The following PCCA variants were observed in gnomAD, a reference collection of about 807,000 sequenced individuals.
The protein encoded by PCCA is propionyl-CoA carboxylase subunit alpha.
PCCA carries 74 observed loss-of-function variants against 101.3 expected under a neutral mutation model. The ratio of observed to expected loss-of-function variants is 0.73; its 90% CI spans 0.61 to 0.89. The LOEUF is 0.89. Among genes scored for constraint, PCCA ranks in the 40% least tolerant of loss-of-function variants. PCCA has a pLI of 0.00. For synonymous variants in PCCA, 294 were observed against 313.6 expected, an observed-to-expected ratio of 0.94 and a Z score of 0.66; for missense variants, 891 against 907.0, an observed-to-expected ratio of 0.98 and a Z score of 0.23.
intron 6 of PCCA, among the ~76,000 whole-genome samples, chr13:100,185,488 C>A (rs1446679921): frequency 6.6e-6 from 1 of 151,304 alleles, no homozygotes; most frequent in Non-Finnish European, 1.5e-5. Flanking sequence ...TAGCTGGGAC[C>A]ACAGGCACAA....
intron 19 of PCCA, among the ~76,000 whole-genome samples, chr13:100,393,332 CT>C (rs1375759533): frequency 1.3e-5 from 2 of 151,352 alleles, no homozygotes; most frequent in African/African-American, 4.9e-5. Flanking sequence ...CAAAAAATGG[CT>C]GTTAAATGGA....
intron 21 of PCCA, among the ~76,000 whole-genome samples, chr13:100,509,440 G>A (rs2086315700): frequency 6.6e-6 from 1 of 152,170 alleles, no homozygotes; most frequent in African/African-American, 2.4e-5. Context: ...CGGACGGTTT[G>A]ACTTGTGGGA....
In PCCA at chr13:100,210,716, G is replaced by C. The variant is rs146900562; in HGVS notation, c.600+1253G>C. Among the ~76,000 whole-genome samples, 483 of 152,264 alleles carry C rather than the reference G, an allele frequency of 3.2e-3. 3 individuals carry two copies. The highest frequency in any genetic ancestry group is 0.011 in the African/African-American group (471 of 41,564). On this transcript the variant is annotated intron_variant, in intron 7 of 23. Transcript: ENST00000376285. Reference sequence around the variant, plus strand: ...ATGTAGAGTTTTAACCTTGCGATTTGACTTAGCCTGCAGGAACTCTTCATT... The same window carrying C: ...ATGTAGAGTTTTAACCTTGCGATTTCACTTAGCCTGCAGGAACTCTTCATT...
intron 21 of PCCA, among the ~76,000 whole-genome samples, chr13:100,459,019 G>A (rs1464067441): frequency 1.3e-5 from 2 of 152,148 alleles, no homozygotes; most frequent in African/African-American, 4.8e-5. Context: ...GGCTCTTAGG[G>A]AGGGTCTGTT....
At chr13:100,302,483 T>G (rs949236092) in intron 13 of PCCA, among the ~76,000 whole-genome samples, 3 of 149,712 alleles carry the variant, frequency 2.0e-5, no homozygotes, top group Admixed American at 6.7e-5. Context: ...GCGTGCAAAG[T>G]TTTTTTTTTC....
At chr13:100,140,304 A>G (rs1180249657) in intron 4 of PCCA, among the ~76,000 whole-genome samples, 1 of 152,194 alleles carries the variant, frequency 6.6e-6, no homozygotes, top group Non-Finnish European at 1.5e-5. Flanking sequence ...AGTTTCACTG[A>G]TTGAAGAAGA....
intron 10 of PCCA, among the ~76,000 whole-genome samples, chr13:100,263,836 G>C (rs1307522466): frequency 8.6e-6 from 1 of 116,800 alleles, no homozygotes; most frequent in Non-Finnish European, 1.9e-5. Context: ...TATGGTATCT[G>C]TATATCGTAT....
chr13:100,200,035 A>G (rs2058374269), intron 6 of PCCA, among the ~76,000 whole-genome samples: 1 of 151,886 alleles, frequency 6.6e-6, no homozygotes, highest in Non-Finnish European at 1.5e-5. Flanking sequence ...TAGCTTCCTT[A>G]CTATCTGATC....
intron 7 of PCCA, among the ~76,000 whole-genome samples, chr13:100,214,744 G>C (rs1384091521): frequency 1.3e-5 from 2 of 151,926 alleles, no homozygotes; most frequent in Non-Finnish European, 2.9e-5. Flanking sequence ...TCATTGTAGA[G>C]ACCTTTCACT....
chr13:100,152,307 G>C (rs1594395602), intron 4 of PCCA, among the ~76,000 whole-genome samples: 2 of 149,680 alleles, frequency 1.3e-5, no homozygotes, highest in African/African-American at 4.9e-5. Flanking sequence ...GTCCATAGCA[G>C]TTTTGACCTG....
Position 100,231,192 on chromosome 13 carries a change from G to C in PCCA, c.601-4650G>C, listed in dbSNP as rs187258942. ...TGCTGTGTGGCTGTATTTAAGGTTTGTCTTTTCCACCAGCCTGTAAATTAC... is the reference window on the plus strand; with the variant it reads ...TGCTGTGTGGCTGTATTTAAGGTTTCTCTTTTCCACCAGCCTGTAAATTAC... On this transcript the variant is annotated intron_variant, in intron 7 of 23. Transcript: ENST00000376285. 2.5e-3 allele frequency among the ~76,000 whole-genome samples: 374 copies of C among 152,286 alleles called. 2 individuals carry two copies. The highest frequency in any genetic ancestry group is 8.7e-3 in the African/African-American group (363 of 41,554).
At chr13:100,156,589 G>A (rs74661560) in intron 5 of PCCA, among the ~76,000 whole-genome samples, 2,637 of 152,268 alleles carry the variant, frequency 0.017, 83 homozygotes, top group African/African-American at 0.06. Context: ...GCTTGTGGGT[G>A]AGGATAGTAT....
chr13:100,196,487 T>C (rs1286293874), intron 6 of PCCA, among the ~76,000 whole-genome samples: 6 of 152,192 alleles, frequency 3.9e-5, no homozygotes, highest in Non-Finnish European at 8.8e-5. Flanking sequence ...CACTGTTCTC[T>C]TTCCCTAACT....
intron 8 of PCCA, among the ~76,000 whole-genome samples, chr13:100,254,277 A>G (rs1002099092): frequency 1.3e-5 from 2 of 152,150 alleles, no homozygotes; most frequent in African/African-American, 4.8e-5. Flanking sequence ...ACATTTCAAG[A>G]TGAGATTTGG....
chr13:100,139,059 A>G lies in PCCA; in HGVS notation c.301-15920A>G, dbSNP rs185096776. Among the ~76,000 whole-genome samples the G allele has an allele frequency of 2.6e-5, 4 of 152,120 alleles. No homozygotes were observed. In the East Asian group the frequency reaches 7.7e-4, roughly 29 times the overall value. ...GTTCTTTCTTTCCAGCACTTGAAAA[A>G]CATTATGTCACTTCCTTCTGGTCTT... is the stretch of plus-strand genomic sequence containing the variant. On this transcript the variant is annotated intron_variant, in intron 4 of 23. Coordinates refer to ENST00000376285, the MANE Select transcript of PCCA (RefSeq NM_000282.4).
rs570901779 is a variant in PCCA at position 100,261,374 on chromosome 13, T to C, written c.717-1355T>C. Among the ~76,000 whole-genome samples the C allele has an allele frequency of 7.4e-4, 112 of 152,016 alleles. 1 individual carries two copies. The highest frequency in any genetic ancestry group is 2.1e-3 in the South Asian group (10 of 4,822). On this transcript the variant is annotated intron_variant, in intron 9 of 23. Coordinates refer to ENST00000376285, the MANE Select transcript of PCCA (RefSeq NM_000282.4). ...TTTTTTTTTTAATTGTTTTTTCTTTTCTTTTTTTTTTGAGATGGAGTCTCA... is the reference window on the plus strand; with the variant it reads ...TTTTTTTTTTAATTGTTTTTTCTTTCCTTTTTTTTTTGAGATGGAGTCTCA...
intron 6 of PCCA, among the ~76,000 whole-genome samples, chr13:100,170,579 A>G (rs1239846841): frequency 5.3e-5 from 8 of 152,264 alleles, no homozygotes; most frequent in South Asian, 2.1e-4. Context: ...CCACTTCCCA[A>G]CCTACCTATG....
intron 4 of PCCA, among the ~76,000 whole-genome samples, chr13:100,134,421 CA>C (rs561456917): frequency 3.3e-5 from 5 of 151,970 alleles, no homozygotes; most frequent in East Asian, 1.9e-4. Flanking sequence ...TGTACACACA[CA>C]AAAAAAATCC....
At chr13:100,454,035 T>C (rs996082801) in intron 21 of PCCA, among the ~76,000 whole-genome samples, 17 of 152,206 alleles carry the variant, frequency 1.1e-4, no homozygotes, top group African/African-American at 4.1e-4. Flanking sequence ...TACACCCGGC[T>C]AATTTTTTTG....
Sources: gnomAD v4.1 joint callset for allele counts (sites outside exome capture counted in the v4.1 genomes callset) on GRCh38, gnomAD v4.1.1 for gene constraint, MANE v1.5 for transcripts, NCBI Gene and HGNC (gene_info 2026-07-23, HGNC 2026-07-21) for gene names.